Variants in ETS1 observed in about 807,000 individuals in gnomAD.
The protein encoded by ETS1 is ETS proto-oncogene 1, transcription factor, also known as protein C-ets-1.
A neutral mutation model predicts 58.6 loss-of-function variants in ETS1; 15 were observed. The ratio of observed to expected loss-of-function variants is 0.26; its 90% CI spans 0.17 to 0.39. ETS1 has a LOEUF of 0.39. Ranked by LOEUF, ETS1 falls within the 10% of genes least tolerant of loss-of-function variation. The pLI is 1.00. For missense variants in ETS1, 417 were observed against 610.5 expected, an observed-to-expected ratio of 0.68 and a Z score of 3.34; for synonymous variants, 214 against 218.2, an observed-to-expected ratio of 0.98 and a Z score of 0.17.
Position 128,459,018 on chromosome 11 carries a change from G to A in ETS1, c.*3343C>T, listed in dbSNP as rs8705. 0.24 allele frequency: 36,026 copies of A among 149,728 alleles called. 5,298 individuals carry two copies. The highest frequency in any genetic ancestry group is 0.32 in the Non-Finnish European group (21,252 of 67,422). 9.3% of individuals were successfully genotyped at this position (149,728 alleles called of 1,614,324 possible). On this transcript the variant is annotated 3_prime_UTR_variant, in exon 10 of 10. Transcript: ENST00000392668. The stretch of plus-strand genomic sequence containing the variant: ...ACCTGCTTTTCCTTTTTTTCATCTT[G>A]CTTCTAAATTTTCAGCTTTTAAAAA...
intron 3 of ETS1, among the ~76,000 whole-genome samples, chr11:128,500,936 A>G (rs1863073618): frequency 6.6e-6 from 1 of 152,196 alleles, no homozygotes; most frequent in Admixed American, 6.5e-5. Flanking sequence ...GAGCTACACA[A>G]TTTCACTTAT....
chr11:128,504,849 C>T (rs1863188183), intron 3 of ETS1: 1 of 152,182 alleles, frequency 6.6e-6, no homozygotes, highest in African/African-American at 2.4e-5. Context: ...AGGAATGAGC[C>T]ATCCAAAGAT....
intron 7 of ETS1, among the ~76,000 whole-genome samples, chr11:128,482,067 AG>A (rs1315383205): frequency 6.6e-6 from 1 of 152,146 alleles, no homozygotes. Flanking sequence ...CACTAGCAAA[AG>A]GGCACCTCTT....
intron 8 of ETS1, among the ~76,000 whole-genome samples, chr11:128,471,208 G>A (rs887967119): frequency 6.6e-6 from 1 of 152,200 alleles, no homozygotes; most frequent in Admixed American, 6.5e-5. Context: ...CAGCCATCAG[G>A]GCCCAAGACA....
chr11:128,500,108 G>A (rs1018538562), intron 3 of ETS1, among the ~76,000 whole-genome samples: 8 of 151,788 alleles, frequency 5.3e-5, no homozygotes, highest in Non-Finnish European at 1.2e-4. Flanking sequence ...AAGGAGGAAC[G>A]GGGGCTAGGA....
rs1268499645 is a variant in ETS1, at chr11:128,462,222, T to C, written c.*139A>G. On this transcript the variant is annotated 3_prime_UTR_variant, in exon 10 of 10. Transcript: ENST00000392668. The stretch of plus-strand genomic sequence containing the variant: ...GCGCACAATTGATTACAGCTGCAAC[T>C]GACTTAGCTCCCACCCCTGAAGGTA... 7.6e-6 allele frequency: 5 copies of C among 658,508 alleles called. No individual in the cohort carries two copies. Among genetic ancestry groups the C allele is most frequent in the South Asian group, 2.0e-5 (1 of 50,070 alleles). The allele number at this position is 658,508 out of a possible 1,614,324, so 40.8% of individuals were successfully genotyped here.
At chr11:128,581,738 T>A (rs1287049792) in intron 1 of ETS1, among the ~76,000 whole-genome samples, 1 of 152,134 alleles carries the variant, frequency 6.6e-6, no homozygotes, top group Non-Finnish European at 1.5e-5. Flanking sequence ...CTGAAGAGAC[T>A]AGCATTTTAA....
intron 8 of ETS1, among the ~76,000 whole-genome samples, chr11:128,469,686 G>A (rs879879378): frequency 4.6e-5 from 7 of 152,230 alleles, no homozygotes; most frequent in Non-Finnish European, 8.8e-5. Context: ...CTTGTTGCCT[G>A]AGGATGAATA....
intron 1 of ETS1, among the ~76,000 whole-genome samples, chr11:128,574,194 AG>A: frequency 6.6e-6 from 1 of 152,246 alleles, no homozygotes; most frequent in East Asian, 1.9e-4. Context: ...ATACTGCCTA[AG>A]GGCTACAACA....
intron 3 of ETS1, among the ~76,000 whole-genome samples, chr11:128,512,963 A>C (rs1011036940): frequency 4.6e-5 from 7 of 152,274 alleles, no homozygotes; most frequent in Non-Finnish European, 7.3e-5. Flanking sequence ...GAGAACCTGC[A>C]CTGGAGCTGC....
At chr11:128,545,244 T>C (rs937537848) in intron 3 of ETS1, among the ~76,000 whole-genome samples, 2 of 152,140 alleles carry the variant, frequency 1.3e-5, no homozygotes, top group Non-Finnish European at 2.9e-5. Context: ...TGTTTTCCCT[T>C]TTACATCCCT....
chr11:128,538,797 C>T (rs1305692732), intron 3 of ETS1, among the ~76,000 whole-genome samples: 1 of 151,262 alleles, frequency 6.6e-6, no homozygotes, highest in Non-Finnish European at 1.5e-5. Flanking sequence ...CACACCAAAC[C>T]AGGTTTGAAC....
At chr11:128,566,366 C>A (rs1864494772) in intron 2 of ETS1, among the ~76,000 whole-genome samples, 1 of 152,198 alleles carries the variant, frequency 6.6e-6, no homozygotes, top group Admixed American at 6.5e-5. Flanking sequence ...AGGCGCTTGA[C>A]AAGCATGTTC....
intron 3 of ETS1, among the ~76,000 whole-genome samples, chr11:128,554,210 G>T (rs1354489466): frequency 6.6e-6 from 1 of 152,180 alleles, no homozygotes; most frequent in African/African-American, 2.4e-5. Context: ...ATCAGAGGGA[G>T]TATAGGACAG....
chr11:128,476,144 T>C (rs374227077), intron 8 of ETS1, among the ~76,000 whole-genome samples: 2 of 152,320 alleles, frequency 1.3e-5, no homozygotes, highest in Non-Finnish European at 1.5e-5. Flanking sequence ...GATAAGGGCA[T>C]TACCACCAGA....
chr11:128,584,120 A>G (rs1864928197), intron 1 of ETS1, among the ~76,000 whole-genome samples: 1 of 152,248 alleles, frequency 6.6e-6, no homozygotes, highest in South Asian at 2.1e-4. Flanking sequence ...GAGTAGAAAT[A>G]AAACTGATAT....
intron 3 of ETS1, among the ~76,000 whole-genome samples, chr11:128,511,126 A>G (rs1224359765): frequency 1.3e-5 from 2 of 152,084 alleles, no homozygotes; most frequent in African/African-American, 4.8e-5. Flanking sequence ...AAGATTCAAC[A>G]ATTTTTTCAT....
chr11:128,523,541 G>A (rs1281578771), intron 3 of ETS1, among the ~76,000 whole-genome samples: 1 of 152,180 alleles, frequency 6.6e-6, no homozygotes, highest in African/African-American at 2.4e-5. Flanking sequence ...GCATTTGACT[G>A]TAACTGTAAC....
intron 3 of ETS1, among the ~76,000 whole-genome samples, chr11:128,520,688 C>T (rs555311858): frequency 6.6e-6 from 1 of 152,326 alleles, no homozygotes; most frequent in South Asian, 2.1e-4. Flanking sequence ...CTTCTGTGCA[C>T]AGCAGCCCTG....
Sources: gnomAD v4.1 joint callset for allele counts (sites outside exome capture counted in the v4.1 genomes callset) on GRCh38, gnomAD v4.1.1 for gene constraint, MANE v1.5 for transcripts, NCBI Gene and HGNC (gene_info 2026-07-23, HGNC 2026-07-21) for gene names.